The following TMEM232 variants were observed in gnomAD, a reference collection of about 807,000 sequenced individuals.
The protein encoded by TMEM232 is transmembrane protein 232.
A neutral mutation model predicts 78.8 loss-of-function variants in TMEM232; 80 were observed. The observed-to-expected ratio is 1.01, with a 90% CI of 0.85 to 1.22. TMEM232 has a LOEUF of 1.22. Among genes scored for constraint, TMEM232 ranks in the 50% most tolerant of loss-of-function variants. The probability of loss-of-function intolerance (pLI) is 0.00; values close to 1 mark genes in which losing one functional copy is unlikely to be tolerated. For missense variants in TMEM232, 881 were observed against 742.2 expected, an observed-to-expected ratio of 1.19 and a Z score of -2.17; for synonymous variants, 297 against 254.3, an observed-to-expected ratio of 1.17 and a Z score of -1.60.
chr5:110,706,214 T>C (rs946332188), intron 1 of TMEM232, among the ~76,000 whole-genome samples: 1 of 152,126 alleles, frequency 6.6e-6, no homozygotes, highest in Non-Finnish European at 1.5e-5. Flanking sequence ...CAGTTCTAAA[T>C]GAAATCAAAG....
intron 8 of TMEM232, chr5:110,617,950 C>A (rs540872997): frequency 1.3e-5 from 2 of 159,572 alleles, no homozygotes; most frequent in African/African-American, 4.8e-5. Flanking sequence ...TTGCAGTAAG[C>A]GGAGATCACG....
intron 12 of TMEM232, among the ~76,000 whole-genome samples, chr5:110,434,310 C>T (rs995885145): frequency 1.3e-5 from 2 of 151,098 alleles, no homozygotes; most frequent in African/African-American, 2.4e-5. Context: ...CACAGAAACA[C>T]AAAAATGCTT....
chr5:110,548,161 A>C (rs1774012275), intron 11 of TMEM232, among the ~76,000 whole-genome samples: 1 of 151,612 alleles, frequency 6.6e-6, no homozygotes, highest in South Asian at 2.1e-4. Context: ...AAGAAGAATA[A>C]GGAAAGAAAC....
chr5:110,515,246 C>T (rs936025127), intron 12 of TMEM232, among the ~76,000 whole-genome samples: 1 of 152,194 alleles, frequency 6.6e-6, no homozygotes, highest in Non-Finnish European at 1.5e-5. Context: ...AATTGATCAT[C>T]TTGGATTGTC....
intron 7 of TMEM232, among the ~76,000 whole-genome samples, chr5:110,620,987 C>G (rs1335513276): frequency 6.6e-6 from 1 of 150,728 alleles, no homozygotes; most frequent in East Asian, 2.0e-4. Context: ...CTCAGCCTGC[C>G]AAGTAGCTGG....
chr5:110,675,055 ATTTT>A (rs920340876), intron 1 of TMEM232, among the ~76,000 whole-genome samples: 1 of 120,308 alleles, frequency 8.3e-6, no homozygotes, highest in South Asian at 2.8e-4. Flanking sequence ...TTATTTATTT[ATTTT>A]GAGACAGAGT....
intron 2 of TMEM232, among the ~76,000 whole-genome samples, chr5:110,655,369 C>A (rs10051912): frequency 0.092 from 13,678 of 149,072 alleles, 717 homozygotes; most frequent in South Asian, 0.18. Flanking sequence ...CCATCTCACA[C>A]CAGTTAGAAT....
chr5:110,473,890 CAAAAAAAAA>C (rs61351197), intron 12 of TMEM232, among the ~76,000 whole-genome samples: 2 of 14,222 alleles, frequency 1.4e-4, no homozygotes, highest in Admixed American at 8.9e-4. Flanking sequence ...AGCCAGACAC[CAAAAAAAAA>C]AAAAAAAAAA....
intron 11 of TMEM232, among the ~76,000 whole-genome samples, chr5:110,541,101 T>A (rs188370637): frequency 4.4e-4 from 67 of 152,136 alleles, no homozygotes; most frequent in African/African-American, 1.5e-3. Context: ...CAAGTATATC[T>A]CCCTCAAACA....
intron 12 of TMEM232, among the ~76,000 whole-genome samples, chr5:110,487,004 A>T (rs562930972): frequency 1.3e-5 from 2 of 151,848 alleles, no homozygotes; most frequent in African/African-American, 4.8e-5. Flanking sequence ...AGTGTTTTGT[A>T]GTTTTCCTTC....
At chr5:110,424,770 G>A in intron 13 of TMEM232, 53 bp downstream of exon 13, 1 of 1,327,636 alleles carries the variant, frequency 7.5e-7, no homozygotes, top group Non-Finnish European at 1.0e-6. Context: ...ATCATTTAAA[G>A]TGCTTTTAAG....
intron 12 of TMEM232, among the ~76,000 whole-genome samples, chr5:110,479,460 C>A (rs918940673): frequency 2.0e-5 from 3 of 151,744 alleles, no homozygotes; most frequent in Non-Finnish European, 3.0e-5. Context: ...GTCACTAATA[C>A]CTTCTCAAAT....
At chr5:110,627,298 T>C (rs542828636) in intron 6 of TMEM232, among the ~76,000 whole-genome samples, 1 of 151,956 alleles carries the variant, frequency 6.6e-6, no homozygotes, top group East Asian at 1.9e-4. Context: ...GTAGATACTA[T>C]TACAAATAAG....
At chr5:110,644,491 G>T (rs181949095) in intron 2 of TMEM232, among the ~76,000 whole-genome samples, 1 of 151,672 alleles carries the variant, frequency 6.6e-6, no homozygotes, top group Non-Finnish European at 1.5e-5. Context: ...CTTCCAATTC[G>T]AACTGTCAAG....
upstream of TMEM232, among the ~76,000 whole-genome samples, chr5:110,728,036 G>C (rs1375597665): frequency 1.3e-5 from 2 of 151,872 alleles, no homozygotes; most frequent in African/African-American, 2.4e-5. Context: ...CTGTTAACCA[G>C]GTTATTCATA....
chr5:110,526,002 GA>G (rs1294637191), intron 12 of TMEM232, among the ~76,000 whole-genome samples: 4 of 113,454 alleles, frequency 3.5e-5, no homozygotes, highest in Non-Finnish European at 6.7e-5. Flanking sequence ...TAGGCAGATG[GA>G]TCTACACCTC....
chr5:110,584,906 T>A (rs1387661124), intron 10 of TMEM232, among the ~76,000 whole-genome samples: 2 of 152,128 alleles, frequency 1.3e-5, no homozygotes, highest in Non-Finnish European at 2.9e-5. Flanking sequence ...GATATATTAT[T>A]ATAAAAATTA....
intron 8 of TMEM232, chr5:110,610,392 T>A (rs1295403796): frequency 5.0e-6 from 1 of 198,602 alleles, no homozygotes. Context: ...GAGAAATACA[T>A]GGGTTTTCCC....
At chr5:110,415,986 C>T (rs1580584452), downstream of TMEM232, among the ~76,000 whole-genome samples, 1 of 152,036 alleles carries the variant, frequency 6.6e-6, no homozygotes, top group African/African-American at 2.4e-5. Flanking sequence ...TTTGGCTTTT[C>T]AGTGAAACAG....
Sources: allele counts gnomAD v4.1 joint callset (sites outside exome capture counted in the v4.1 genomes callset), GRCh38; gene constraint gnomAD v4.1.1; transcripts MANE v1.5; gene names NCBI Gene and HGNC (gene_info 2026-07-23, HGNC 2026-07-21).